Variants in EPHB2 observed in about 807,000 individuals in gnomAD.
The protein encoded by EPHB2 is ephrin type-B receptor 2.
EPHB2 carries 18 observed loss-of-function variants against 96.4 expected under a neutral mutation model. That is an observed-to-expected ratio of 0.19 (90% CI 0.13 to 0.28). The LOEUF is 0.28. Ranked by LOEUF, EPHB2 falls within the 10% of genes least tolerant of loss-of-function variation. EPHB2 has a pLI of 1.00. For synonymous variants in EPHB2, 506 were observed against 534.1 expected (o/e 0.95, Z 0.72); for missense variants, 989 against 1,355.4 (o/e 0.73, Z 4.25).
Position 22,785,028 on chromosome 1 carries a change from A to T in EPHB2, c.763A>T (p.Met255Leu), listed in dbSNP as rs1476616446. The change falls in exon 3 of 16, where the codon ATG (methionine) becomes TTG (leucine). Residue 255 changes from methionine to leucine, a missense_variant. By Grantham distance (15) the Met-to-Leu change is conservative. Coordinates refer to ENST00000374630, the MANE Select transcript of EPHB2 (RefSeq NM_017449.5). ...GTGGCTGGTGCCCATCGGGCGCTGC[A>T]TGTGCAAAGCAGGCTTCGAGGCCGT... is the stretch of plus-strand genomic sequence containing the variant. Reference protein sequence around the residue: ...GEWLVPIGRCMCKAGFEAVEN... With the variant: ...GEWLVPIGRCLCKAGFEAVEN... 1.9e-6 allele frequency: 3 copies of T among 1,613,718 alleles called. No homozygotes were observed. The highest frequency in any genetic ancestry group is 1.7e-5 in the Admixed American group (1 of 60,038).
In EPHB2 at chr1:22,779,314, C is replaced by T. The variant is rs370956425; in HGVS notation, c.62-2107C>T. 5.9e-5 allele frequency among the ~76,000 whole-genome samples: 9 copies of T among 152,302 alleles called. 1 individual carries two copies. The highest frequency in any genetic ancestry group is 2.2e-4 in the African/African-American group (9 of 41,524). On this transcript the variant is annotated intron_variant, in intron 1 of 15. Coordinates refer to ENST00000374630, the MANE Select transcript of EPHB2 (RefSeq NM_017449.5). Reference sequence around the variant, plus strand: ...ATCCCTGGCACCCTTACCCCACACCCCCTCCCTGTGCCAGCCCCCAGTGCA... The same window carrying T: ...ATCCCTGGCACCCTTACCCCACACCTCCTCCCTGTGCCAGCCCCCAGTGCA...
intron 3 of EPHB2, among the ~76,000 whole-genome samples, chr1:22,829,416 C>T (rs1225338470): frequency 2.0e-5 from 3 of 152,220 alleles, no homozygotes; most frequent in East Asian, 1.9e-4. Context: ...CTGATGGGGT[C>T]GGCTCTACAG....
chr1:22,850,745 AATATAG>A (rs890117791), intron 3 of EPHB2, among the ~76,000 whole-genome samples: 2 of 152,082 alleles, frequency 1.3e-5, no homozygotes, highest in Non-Finnish European at 2.9e-5. Flanking sequence ...ATGAACCCCA[AATATAG>A]ATGAGGAGAT....
At chr1:22,734,997 A>C (rs1643795530) in intron 1 of EPHB2, among the ~76,000 whole-genome samples, 1 of 152,194 alleles carries the variant, frequency 6.6e-6, no homozygotes, top group African/African-American at 2.4e-5. Context: ...ACACCCCTGC[A>C]GGGTAGGAGA....
At chr1:22,876,870 A>C (rs535105884) in intron 5 of EPHB2, among the ~76,000 whole-genome samples, 1 of 152,164 alleles carries the variant, frequency 6.6e-6, no homozygotes, top group South Asian at 2.1e-4. Flanking sequence ...CCTCCTTGCC[A>C]CGCCTGGGGT....
At chr1:22,908,594 C>T (rs1639992587) in intron 12 of EPHB2, among the ~76,000 whole-genome samples, 1 of 152,198 alleles carries the variant, frequency 6.6e-6, no homozygotes, top group South Asian at 2.1e-4. Context: ...CTGGAATGCC[C>T]AGGTTCAGGA....
At chr1:22,806,493 G>A (rs1348159199) in intron 3 of EPHB2, among the ~76,000 whole-genome samples, 3 of 99,568 alleles carry the variant, frequency 3.0e-5, no homozygotes, top group South Asian at 4.2e-4. Context: ...ACGGACGGAC[G>A]GACGGACGGA....
intron 1 of EPHB2, among the ~76,000 whole-genome samples, chr1:22,754,098 G>A (rs4233293): frequency 0.93 from 140,705 of 151,952 alleles, 66,110 homozygotes; most frequent in East Asian, 1. Context: ...GGGCTCCTTA[G>A]GGGGCACCCC....
chr1:22,744,247 A>G (rs1420444188), intron 1 of EPHB2, among the ~76,000 whole-genome samples: 1 of 151,980 alleles, frequency 6.6e-6, no homozygotes, highest in African/African-American at 2.4e-5. Context: ...GTAGCCCAGT[A>G]ATTCCACTCC....
In EPHB2 at chr1:22,803,894, A is replaced by G. The variant is rs1458319246; in HGVS notation, c.811+18818A>G. On this transcript the variant is annotated intron_variant, in intron 3 of 15. Coordinates refer to ENST00000374630, the MANE Select transcript of EPHB2 (RefSeq NM_017449.5). ...GCACCAGTGCACTCCAGCCTGGGCA[A>G]CAGAGTGAGACCCTGTCTCAAGAGA... Among the ~76,000 whole-genome samples the G allele has an allele frequency of 7.6e-5, 11 of 145,312 alleles. No homozygotes were observed. The East Asian group carries it at 2.3e-3, about 30-fold the overall frequency.
chr1:22,813,003 A>G (rs1243891147), intron 3 of EPHB2, among the ~76,000 whole-genome samples: 1 of 152,214 alleles, frequency 6.6e-6, no homozygotes, highest in Non-Finnish European at 1.5e-5. Context: ...CTGGCTGCTG[A>G]CATCTAGTAC....
At position 22,909,005 on chromosome 1, in the gene EPHB2, C is replaced by T. The variant is rs766222479; in HGVS notation, c.2353-17C>T. The T allele has an allele frequency of 6.2e-7, 1 of 1,614,034 alleles. No homozygotes were observed. The highest frequency in any genetic ancestry group is 1.3e-5 in the African/African-American group (1 of 74,920). On this transcript the variant is annotated splice_polypyrimidine_tract_variant and intron_variant, in intron 12 of 15. Coordinates refer to ENST00000374630, the MANE Select transcript of EPHB2 (RefSeq NM_017449.5). ...GCCAGCCTCCCACCCACAAACCCTC[C>T]TCTTTCTGTCTCCCAGGGCGGAAAG...
At chr1:22,731,379 C>T (rs1463420015) in intron 1 of EPHB2, among the ~76,000 whole-genome samples, 2 of 152,128 alleles carry the variant, frequency 1.3e-5, no homozygotes, top group Middle Eastern at 3.2e-3. Flanking sequence ...CACCGAGGGG[C>T]TCTGCAGTCA....
rs187268285 is a variant in EPHB2, at chr1:22,820,698, A to G, written c.811+35622A>G. Among the ~76,000 whole-genome samples, 13 of 152,302 alleles carry G rather than the reference A, an allele frequency of 8.5e-5. No homozygotes were observed. In the East Asian group the frequency reaches 1.3e-3, roughly 16 times the overall value. ...AAAAAAAGAAAAAAAATTAGCAACT[A>G]TTATTTACTGAGCCCTTAATTATGA... On this transcript the variant is annotated intron_variant, in intron 3 of 15. Coordinates refer to ENST00000374630, the MANE Select transcript of EPHB2 (RefSeq NM_017449.5).
rs1454999394 is a variant in EPHB2, at chr1:22,794,486, A to C, written c.811+9410A>C. On this transcript the variant is annotated intron_variant, in intron 3 of 15. Coordinates refer to ENST00000374630, the MANE Select transcript of EPHB2 (RefSeq NM_017449.5). ...TCACCCGGATGGGCCGTTCCTGCCC[A>C]GTCACCTCCTTGAATCCTCTCATCA... is the stretch of plus-strand genomic sequence containing the variant. Among the ~76,000 whole-genome samples, 56 of 152,106 alleles carry C rather than the reference A, an allele frequency of 3.7e-4. 1 individual carries two copies. Among genetic ancestry groups the C allele is most frequent in the Admixed American group, 3.7e-3 (56 of 15,264 alleles).
At chr1:22,862,853 C>G (rs1319712410) in intron 3 of EPHB2, among the ~76,000 whole-genome samples, 184 bp from the exon 4 acceptor site, 1 of 152,180 alleles carries the variant, frequency 6.6e-6, no homozygotes, top group African/African-American at 2.4e-5. Flanking sequence ...GGAGCCCTGA[C>G]AGAATTAGAA....
At chr1:22,862,311 G>A (rs112263525) in intron 3 of EPHB2, among the ~76,000 whole-genome samples, 12 of 152,334 alleles carry the variant, frequency 7.9e-5, no homozygotes, top group South Asian at 2.1e-4. Context: ...CTGCAGGCCC[G>A]CCTTTTATTA....
intron 3 of EPHB2, among the ~76,000 whole-genome samples, chr1:22,861,657 C>T (rs926945917): frequency 2.4e-4 from 37 of 152,024 alleles, no homozygotes; most frequent in African/African-American, 8.5e-4. Context: ...GTAAGTAAAG[C>T]ACTCTGAACC....
rs1183682031 is a variant in EPHB2, at chr1:22,920,684, G to A, written c.*7114G>A. 1 of 152,218 alleles carries A rather than the reference G, an allele frequency of 6.6e-6. No individual in the cohort carries two copies. The highest frequency in any genetic ancestry group is 1.5e-5 in the Non-Finnish European group (1 of 68,080). 9.4% of individuals were successfully genotyped at this position (152,218 alleles called of 1,614,324 possible). On this transcript the variant is annotated 3_prime_UTR_variant, in exon 16 of 16. Coordinates refer to ENST00000374630, the MANE Select transcript of EPHB2 (RefSeq NM_017449.5). ...GGGGGCACCAAGTTGAGCCTCTGAG[G>A]CTGGCCCAGCATAGGCCAGGCAGGG... is the stretch of plus-strand genomic sequence containing the variant.
Sources: allele counts gnomAD v4.1 joint callset (sites outside exome capture counted in the v4.1 genomes callset), GRCh38; gene constraint gnomAD v4.1.1; transcripts MANE v1.5; gene names NCBI Gene and HGNC (gene_info 2026-07-23, HGNC 2026-07-21).